The following ITPR2 variants were observed in gnomAD, a reference collection of about 807,000 sequenced individuals.
The protein encoded by ITPR2 is inositol 1,4,5-trisphosphate receptor type 2.
A neutral mutation model predicts 317.1 loss-of-function variants in ITPR2; 207 were observed. That is an observed-to-expected ratio of 0.65 (90% confidence interval 0.58 to 0.73). The LOEUF is 0.73. ITPR2 is among the 30% of genes least tolerant of loss of function. The pLI, the probability that ITPR2 is intolerant of heterozygous loss-of-function variation, is 0.00. For missense variants in ITPR2, 2,613 were observed against 3,284.0 expected (o/e 0.80, Z 4.99); for synonymous variants, 1,156 against 1,149.1 (o/e 1.01, Z -0.12).
intron 55 of ITPR2, among the ~76,000 whole-genome samples, chr12:26,368,148 A>G (rs540812424): frequency 3.9e-5 from 6 of 152,208 alleles, no homozygotes; most frequent in Non-Finnish European, 8.8e-5. Flanking sequence ...TGATTTCCCT[A>G]TCATTCTCTG....
intron 45 of ITPR2, among the ~76,000 whole-genome samples, chr12:26,450,823 T>C (rs559463776): frequency 6.6e-6 from 1 of 151,890 alleles, no homozygotes; most frequent in East Asian, 1.9e-4. Flanking sequence ...TCCAGAGGGG[T>C]TGAGAACCTT....
intron 4 of ITPR2, among the ~76,000 whole-genome samples, chr12:26,723,331 C>T (rs969061977): frequency 2.0e-5 from 3 of 152,066 alleles, no homozygotes; most frequent in Admixed American, 2.0e-4. Flanking sequence ...TTATCATACT[C>T]TTGGGTCCTT....
At chr12:26,441,186 C>A (rs1019020480) in intron 46 of ITPR2, among the ~76,000 whole-genome samples, 2 of 152,116 alleles carry the variant, frequency 1.3e-5, no homozygotes, top group East Asian at 3.8e-4. Flanking sequence ...CATTCAAAAT[C>A]GGATCAGTTT....
chr12:26,594,050 G>C (rs9668809), intron 32 of ITPR2, among the ~76,000 whole-genome samples: 109,916 of 152,090 alleles, frequency 0.72, 41,243 homozygotes, highest in Non-Finnish European at 0.83. Context: ...CTCCTTACTT[G>C]AAGGTCTCTG....
chr12:26,580,233 T>C, intron 32 of ITPR2, 78 bp from the exon 33 acceptor site: 4 of 1,350,266 alleles, frequency 3.0e-6, no homozygotes, highest in African/African-American at 1.5e-5. Context: ...CACCTAAAAA[T>C]TGTCCTGAAA....
intron 55 of ITPR2, among the ~76,000 whole-genome samples, chr12:26,375,387 T>C (rs1366830266): frequency 2.0e-5 from 3 of 152,224 alleles, no homozygotes; most frequent in Non-Finnish European, 2.9e-5. Flanking sequence ...GTTACTTTGC[T>C]CTAAACATTT....
intron 53 of ITPR2, 133 bp downstream of exon 53, chr12:26,399,995 C>T: frequency 2.4e-6 from 2 of 840,148 alleles, no homozygotes; most frequent in Non-Finnish European, 1.7e-6. Flanking sequence ...TTGGCTTTAA[C>T]AGCCATGGTT....
chr12:26,368,049 G>A (rs1157737330), intron 55 of ITPR2, among the ~76,000 whole-genome samples: 1 of 152,122 alleles, frequency 6.6e-6, no homozygotes, highest in Admixed American at 6.5e-5. Flanking sequence ...TAGTTTATTT[G>A]ACATTGGAAG....
In ITPR2 at chr12:26,596,872, G is replaced by T. The variant is rs760249100; in HGVS notation, c.4254+11C>A. ...ATTCTATTAGAGCTGCTAAGCTTTTGCCAGGCTTACCTCAGGGATGCAGTC... is the reference window on the plus strand; with the variant it reads ...ATTCTATTAGAGCTGCTAAGCTTTTTCCAGGCTTACCTCAGGGATGCAGTC... On this transcript the variant is annotated intron_variant, in intron 31 of 56. Transcript: ENST00000381340. The T allele has an allele frequency of 6.6e-7, 1 of 1,515,358 alleles. No homozygotes were observed. Among genetic ancestry groups the T allele is most frequent in the Non-Finnish European group, 8.8e-7 (1 of 1,132,896 alleles). 93.9% of individuals were successfully genotyped at this position (1,515,358 alleles called of 1,614,324 possible). A position where few individuals can be genotyped will look rare whatever the true frequency, so the allele number is the denominator to read the frequency against.
intron 32 of ITPR2, among the ~76,000 whole-genome samples, chr12:26,589,584 C>T (rs1324008894): frequency 1.3e-5 from 2 of 150,690 alleles, no homozygotes; most frequent in Admixed American, 6.6e-5. Context: ...GTCAGGGGTT[C>T]GAGACCAGGG....
intron 37 of ITPR2, among the ~76,000 whole-genome samples, chr12:26,530,158 G>A (rs953341200): frequency 1.3e-5 from 2 of 152,166 alleles, no homozygotes; most frequent in African/African-American, 4.8e-5. Context: ...TAATTTAACA[G>A]ATGATGCAGG....
intron 34 of ITPR2, among the ~76,000 whole-genome samples, chr12:26,568,717 C>G (rs1945075271): frequency 6.6e-6 from 1 of 152,016 alleles, no homozygotes; most frequent in African/African-American, 2.4e-5. Context: ...ATTAGAAAAC[C>G]TGGTTGGTTG....
In ITPR2 at chr12:26,597,058, C is replaced by A; in HGVS notation, c.4079G>T (p.Cys1360Phe). Residue 1360 changes from cysteine to phenylalanine, a missense_variant, in exon 31 of 57, where the codon TGT becomes TTT. Cys to Phe is a radical substitution (Grantham distance 205, BLOSUM62 -2). Around this residue, in one of 9 missense-constraint regions of ITPR2, gnomAD observed 817 missense variants for 897.6 expected, o/e 0.91. Transcript: ENST00000381340. ...CTCATCCCCTCGGTCTCTCTCTGAA[C>A]ACATCATATGGAGAAGGATTGGAAA... is the stretch of plus-strand genomic sequence containing the variant. The part of the protein sequence containing the change: ...ASFPILLHMM[C>F]SERDRGDESG... 1.9e-6 allele frequency: 3 copies of A among 1,614,088 alleles called. No individual in the cohort carries two copies. In the South Asian group the frequency reaches 3.3e-5, roughly 18 times the overall value.
intron 26 of ITPR2, among the ~76,000 whole-genome samples, chr12:26,608,901 T>G (rs545088950): frequency 6.6e-6 from 1 of 152,142 alleles, no homozygotes; most frequent in East Asian, 1.9e-4. Flanking sequence ...ATGTAAAATG[T>G]AGAAAGCATG....
intron 37 of ITPR2, among the ~76,000 whole-genome samples, chr12:26,540,067 A>C (rs1944216289): frequency 6.6e-6 from 1 of 152,162 alleles, no homozygotes; most frequent in African/African-American, 2.4e-5. Context: ...CATTTTGTGG[A>C]GGGTGGGCTG....
chr12:26,599,772 AC>A (rs1291506359), intron 29 of ITPR2, among the ~76,000 whole-genome samples: 2 of 152,184 alleles, frequency 1.3e-5, no homozygotes, highest in African/African-American at 4.8e-5. Context: ...CGTATAAAAT[AC>A]ATTGTCATTT....
At chr12:26,538,561 TTTTTTTTCTTTTTTTC>T (rs569666607) in intron 37 of ITPR2, among the ~76,000 whole-genome samples, 1 of 151,914 alleles carries the variant, frequency 6.6e-6, no homozygotes, top group Non-Finnish European at 1.5e-5. Context: ...AGCCTGTGAT[TTTTTTTTCTTTTTTTC>T]TTTTTTTCTT....
chr12:26,643,763 T>C lies in ITPR2; in HGVS notation c.2740+10213A>G, dbSNP rs540087677. Among the ~76,000 whole-genome samples the C allele has an allele frequency of 2.0e-5, 3 of 152,258 alleles. No individual in the cohort carries two copies. In the South Asian group the frequency reaches 6.2e-4, roughly 32 times the overall value. ...TGAAATTGAATATTTGGGTGAAAAA[T>C]ATGTAAGCAAAGTGTTGACAGAACG... On this transcript the variant is annotated intron_variant, in intron 21 of 56. Transcript: ENST00000381340.
At chr12:26,425,470 C>T (rs1309546745) in intron 49 of ITPR2, among the ~76,000 whole-genome samples, 1 of 151,968 alleles carries the variant, frequency 6.6e-6, no homozygotes, top group Non-Finnish European at 1.5e-5. Context: ...AGATCAAGAC[C>T]ATCCTGGCTA....
Sources: gnomAD v4.1 joint callset for allele counts (sites outside exome capture counted in the v4.1 genomes callset) on GRCh38, gnomAD v4.1.1 for gene constraint, gnomAD v4.1.1 regional missense constraint, MANE v1.5 for transcripts, NCBI Gene and HGNC (gene_info 2026-07-23, HGNC 2026-07-21) for gene names.